LRP12: variants seen among roughly 807,000 people sequenced by gnomAD.
The protein encoded by LRP12 is low-density lipoprotein receptor-related protein 12.
A neutral mutation model predicts 66.0 loss-of-function variants in LRP12; 14 were observed. The observed-to-expected ratio is 0.21, with a 90% confidence interval of 0.14 to 0.33. The LOEUF (loss-of-function observed/expected upper bound fraction) is 0.33, where lower values mean the gene tolerates loss of function less well. Among genes scored for constraint, LRP12 ranks in the 10% least tolerant of loss-of-function variants. LRP12 has a pLI of 1.00. For synonymous variants in LRP12, 357 were observed against 359.1 expected (o/e 0.99, Z 0.07); for missense variants, 889 against 1,053.4 (o/e 0.84, Z 2.16).
intron 1 of LRP12, among the ~76,000 whole-genome samples, chr8:104,569,052 A>C (rs1812042807): frequency 6.6e-6 from 1 of 152,136 alleles, no homozygotes; most frequent in African/African-American, 2.4e-5. Flanking sequence ...CAGATACACA[A>C]AGTAGAATAT....
intron 6 of LRP12, 47 bp downstream of exon 6, chr8:104,495,030 T>C (rs1564128375): frequency 6.3e-7 from 1 of 1,576,934 alleles, no homozygotes; most frequent in South Asian, 1.2e-5. Context: ...CAGGCGCAGA[T>C]TTCATTTTAA....
intron 1 of LRP12, among the ~76,000 whole-genome samples, chr8:104,562,543 T>C (rs1249303614): frequency 6.6e-6 from 1 of 152,176 alleles, no homozygotes; most frequent in Admixed American, 6.5e-5. Flanking sequence ...AATGCTCATT[T>C]CATTAAACAC....
At chr8:104,539,527 C>T (rs1264414612) in intron 1 of LRP12, among the ~76,000 whole-genome samples, 7 of 151,762 alleles carry the variant, frequency 4.6e-5, no homozygotes, top group Non-Finnish European at 2.9e-5. Flanking sequence ...GCATATTATA[C>T]AACACACAAA....
At chr8:104,498,767 C>T (rs1240849497) in intron 4 of LRP12, among the ~76,000 whole-genome samples, 1 of 152,138 alleles carries the variant, frequency 6.6e-6, no homozygotes, top group African/African-American at 2.4e-5. Context: ...GGCATGCTTA[C>T]TCAACAATTC....
intron 1 of LRP12, among the ~76,000 whole-genome samples, chr8:104,581,081 T>C (rs181849269): frequency 6.6e-6 from 1 of 152,316 alleles, no homozygotes; most frequent in African/African-American, 2.4e-5. Flanking sequence ...GGTACACATA[T>C]ACCATAGAAT....
chr8:104,562,916 G>A (rs1353389958), intron 1 of LRP12, among the ~76,000 whole-genome samples: 1 of 152,058 alleles, frequency 6.6e-6, no homozygotes, highest in East Asian at 1.9e-4. Context: ...GGCATGTCTG[G>A]CTCATCTATC....
At chr8:104,567,346 GT>G (rs1434785192) in intron 1 of LRP12, among the ~76,000 whole-genome samples, 7 of 152,108 alleles carry the variant, frequency 4.6e-5, no homozygotes, top group Non-Finnish European at 8.8e-5. Flanking sequence ...CGAACCAAAA[GT>G]GGAAACCCCT....
chr8:104,528,826 C>A (rs1395188814), intron 2 of LRP12, among the ~76,000 whole-genome samples: 1 of 151,698 alleles, frequency 6.6e-6, no homozygotes, highest in Non-Finnish European at 1.5e-5. Context: ...TGTACCCAGA[C>A]ATACCTCTGG....
intron 1 of LRP12, among the ~76,000 whole-genome samples, chr8:104,583,989 ATATT>A (rs1812293645): frequency 6.6e-6 from 1 of 152,050 alleles, no homozygotes; most frequent in South Asian, 2.1e-4. Context: ...TTGAAATAAT[ATATT>A]TATATATACT....
In LRP12 at chr8:104,570,534, TTTTCAACAA is replaced by T. The variant is rs1283879915; in HGVS notation, c.79+18276_79+18284del. Among the ~76,000 whole-genome samples the T allele has an allele frequency of 5.3e-5, 8 of 152,292 alleles. No homozygotes were observed. In the South Asian group the frequency reaches 1.4e-3, roughly 28 times the overall value. On this transcript the variant is annotated intron_variant, in intron 1 of 6. Coordinates refer to ENST00000276654, the MANE Select transcript of LRP12 (RefSeq NM_013437.5). Reference sequence around the variant, plus strand: ...GGCAGCTCAATGGGAAAGAATAATCTTTTCAACAAGTAGTGTTGGAACAATTGGTGGTTA... The same window carrying T: ...GGCAGCTCAATGGGAAAGAATAATCTGTAGTGTTGGAACAATTGGTGGTTA...
chr8:104,548,171 A>AATATAATATATAATATATAAT (rs372381272), intron 1 of LRP12, among the ~76,000 whole-genome samples: 3 of 99,092 alleles, frequency 3.0e-5, no homozygotes, highest in Admixed American at 1.5e-4. Flanking sequence ...TATTATATAT[A>AATATAATATATAATATATAAT]ATATAATATA....
At chr8:104,538,204 G>A (rs1811416775) in intron 1 of LRP12, among the ~76,000 whole-genome samples, 1 of 152,162 alleles carries the variant, frequency 6.6e-6, no homozygotes, top group South Asian at 2.1e-4. Flanking sequence ...AGGATAACTG[G>A]ACGGTAGGCA....
intron 1 of LRP12, among the ~76,000 whole-genome samples, chr8:104,548,394 TA>T (rs1335497216): frequency 3.2e-5 from 3 of 93,540 alleles, no homozygotes; most frequent in African/African-American, 1.0e-4. Context: ...ATATAATATA[TA>T]TTATATAAAT....
At chr8:104,529,792 T>C (rs1449701653) in intron 2 of LRP12, among the ~76,000 whole-genome samples, 1 of 152,218 alleles carries the variant, frequency 6.6e-6, no homozygotes, top group Non-Finnish European at 1.5e-5. Flanking sequence ...TGATATGGCT[T>C]CAGATTCCAC....
intron 1 of LRP12, among the ~76,000 whole-genome samples, chr8:104,572,386 AAGAG>A (rs1017660873): frequency 6.6e-6 from 1 of 152,230 alleles, no homozygotes. Flanking sequence ...ACCAGAAAAA[AAGAG>A]AGTCAGTTTT....
intron 1 of LRP12, among the ~76,000 whole-genome samples, chr8:104,563,961 T>TA (rs1811955247): frequency 6.6e-6 from 1 of 152,216 alleles, no homozygotes; most frequent in African/African-American, 2.4e-5. Context: ...GCTGCCTGGC[T>TA]CATAGTAACT....
intron 2 of LRP12, among the ~76,000 whole-genome samples, chr8:104,515,774 A>G (rs1811064727): frequency 6.6e-6 from 1 of 152,172 alleles, no homozygotes; most frequent in African/African-American, 2.4e-5. Flanking sequence ...ATTTGGATTG[A>G]TATTTTATTT....
intron 6 of LRP12, among the ~76,000 whole-genome samples, chr8:104,493,230 G>A (rs563952944): frequency 1.3e-3 from 202 of 152,174 alleles, no homozygotes; most frequent in African/African-American, 4.7e-3. Flanking sequence ...CTCAAAAAGC[G>A]TTTCTCCTTT....
At chr8:104,498,172 G>T in intron 4 of LRP12, 96 bp from the exon 5 acceptor site, 1 of 1,220,318 alleles carries the variant, frequency 8.2e-7, no homozygotes, top group Non-Finnish European at 1.1e-6. Flanking sequence ...TATAATAAAT[G>T]TTCATAAAGC....
Sources: allele counts gnomAD v4.1 joint callset (sites outside exome capture counted in the v4.1 genomes callset), GRCh38; gene constraint gnomAD v4.1.1; transcripts MANE v1.5; gene names NCBI Gene and HGNC (gene_info 2026-07-23, HGNC 2026-07-21).